Variants in TNR observed in about 807,000 individuals in gnomAD.
TNR encodes tenascin R.
Under a neutral mutation model 150.4 loss-of-function variants are expected in TNR, and 45 were observed. The ratio of observed to expected loss-of-function variants is 0.30; its 90% confidence interval spans 0.24 to 0.38. The LOEUF (loss-of-function observed/expected upper bound fraction) is 0.38. Ranked by LOEUF, TNR falls within the 10% of genes least tolerant of loss-of-function variation. The probability of loss-of-function intolerance (pLI) is 1.00; values close to 1 mark genes in which losing one functional copy is unlikely to be tolerated. For synonymous variants in TNR, 687 were observed against 678.4 expected (o/e 1.01, Z -0.20); for missense variants, 1,544 against 1,759.1 (o/e 0.88, Z 2.19).
chr1:175,329,947 C>G, intron 21 of TNR, 127 bp downstream of exon 21: 2 of 1,115,720 alleles, frequency 1.8e-6, no homozygotes, highest in Non-Finnish European at 2.4e-6. Flanking sequence ...CCCTTCTTCT[C>G]CCTGGCCAGC....
intron 12 of TNR, 99 bp downstream of exon 12, chr1:175,364,911 C>T: frequency 7.0e-7 from 1 of 1,427,962 alleles, no homozygotes; most frequent in South Asian, 1.4e-5. Context: ...GAGGAAATCC[C>T]CTACTCCTTG....
intron 1 of TNR, among the ~76,000 whole-genome samples, chr1:175,673,621 T>A (rs992982672): frequency 1.3e-5 from 2 of 152,216 alleles, no homozygotes; most frequent in East Asian, 3.9e-4. Flanking sequence ...TAGCTGAGGA[T>A]GTGCGGATGA....
chr1:175,623,989 A>G (rs762912772), intron 1 of TNR, among the ~76,000 whole-genome samples: 1 of 152,148 alleles, frequency 6.6e-6, no homozygotes, highest in African/African-American at 2.4e-5. Flanking sequence ...TTTTATTTCC[A>G]TCTATATAAA....
At chr1:175,710,452 C>A (rs1666979592) in intron 1 of TNR, among the ~76,000 whole-genome samples, 1 of 152,090 alleles carries the variant, frequency 6.6e-6, no homozygotes, top group Non-Finnish European at 1.5e-5. Flanking sequence ...AGCTCAGTGA[C>A]CTGCACTGGA....
chr1:175,571,423 A>G lies in TNR; in HGVS notation c.-164-43054T>C, dbSNP rs6658068. Among the ~76,000 whole-genome samples the G allele has an allele frequency of 2.6e-3, 395 of 152,352 alleles. 3 individuals are homozygous for G. The highest frequency in any genetic ancestry group is 8.6e-3 in the African/African-American group (357 of 41,574). On this transcript the variant is annotated intron_variant, in intron 1 of 22. Transcript: ENST00000367674. ...CTCTATAGATGTACGTGTTATTACTATCTCCATGTTACAGATGAGGAAGCC... is the reference window on the plus strand; with the variant it reads ...CTCTATAGATGTACGTGTTATTACTGTCTCCATGTTACAGATGAGGAAGCC...
chr1:175,475,988 C>A (rs1305825090), intron 2 of TNR, among the ~76,000 whole-genome samples: 4 of 152,088 alleles, frequency 2.6e-5, no homozygotes, highest in African/African-American at 9.7e-5. Flanking sequence ...ACATTAAAGC[C>A]AATGATGTGA....
chr1:175,384,675 C>A (rs1652843384), intron 8 of TNR, among the ~76,000 whole-genome samples: 1 of 152,182 alleles, frequency 6.6e-6, no homozygotes, highest in South Asian at 2.1e-4. Context: ...CTTCTGTTCC[C>A]CTCTCTCGTG....
At chr1:175,388,300 A>C (rs1653023286) in intron 7 of TNR, among the ~76,000 whole-genome samples, 1 of 152,282 alleles carries the variant, frequency 6.6e-6, no homozygotes, top group African/African-American at 2.4e-5. Flanking sequence ...AACTGACCAC[A>C]AAAAGCTTTT....
intron 2 of TNR, among the ~76,000 whole-genome samples, chr1:175,527,276 G>A (rs1659881763): frequency 1.3e-5 from 2 of 152,174 alleles, no homozygotes; most frequent in South Asian, 4.1e-4. Flanking sequence ...TTGTGAATTG[G>A]AATGTTCAAA....
chr1:175,696,661 C>T (rs750044631), intron 1 of TNR, among the ~76,000 whole-genome samples: 12 of 152,108 alleles, frequency 7.9e-5, no homozygotes, highest in Non-Finnish European at 1.5e-4. Context: ...AGGCAGATCA[C>T]CTGTGGTCGG....
intron 1 of TNR, among the ~76,000 whole-genome samples, chr1:175,600,868 T>A (rs963507209): frequency 1.3e-5 from 2 of 152,208 alleles, no homozygotes; most frequent in East Asian, 3.8e-4. Flanking sequence ...CAGATGCAGA[T>A]CCTGAATTTA....
intron 18 of TNR, among the ~76,000 whole-genome samples, chr1:175,339,396 C>A (rs562018351): frequency 6.6e-6 from 1 of 152,310 alleles, no homozygotes; most frequent in South Asian, 2.1e-4. Context: ...TTAATAGCTG[C>A]AGAAAAGCTA....
At chr1:175,331,170 C>CTTTCTTTTTCT (rs1649891648) in intron 20 of TNR, among the ~76,000 whole-genome samples, 4 of 42,164 alleles carry the variant, frequency 9.5e-5, no homozygotes, top group African/African-American at 2.3e-4. Context: ...TCTTTCCTTC[C>CTTTCTTTTTCT]TTCCTTCCTT....
At chr1:175,692,737 G>A (rs143051057) in intron 1 of TNR, among the ~76,000 whole-genome samples, 5 of 152,264 alleles carry the variant, frequency 3.3e-5, no homozygotes, top group African/African-American at 1.2e-4. Flanking sequence ...TTGGGAAGAA[G>A]AGTCATGAAC....
intron 1 of TNR, among the ~76,000 whole-genome samples, chr1:175,664,246 C>T (rs1032793848): frequency 1.6e-4 from 24 of 152,312 alleles, no homozygotes; most frequent in Non-Finnish European, 3.2e-4. Context: ...GTTGGCCATG[C>T]GGGACCTGGG....
rs530537185 is a variant in TNR at position 175,585,718 on chromosome 1, G to A, written c.-164-57349C>T. ...AAATGGTGGTTCTTGAGTATCTTCA[G>A]TTGCTGAAAATCTGTTCTCACATGG... On this transcript the variant is annotated intron_variant, in intron 1 of 22. Transcript: ENST00000367674. Among the ~76,000 whole-genome samples the A allele has an allele frequency of 8.5e-5, 13 of 152,288 alleles. No individual in the cohort carries two copies. In the Middle Eastern group the frequency reaches 0.02, roughly 239 times the overall value.
At chr1:175,377,460 T>A (rs1031014039) in intron 9 of TNR, among the ~76,000 whole-genome samples, 2 of 10,182 alleles carry the variant, frequency 2.0e-4, no homozygotes, top group African/African-American at 7.5e-4. Flanking sequence ...CATTTCAGGG[T>A]TTTTTTTTTT....
chr1:175,626,909 G>A (rs1157172127), intron 1 of TNR, among the ~76,000 whole-genome samples: 1 of 152,172 alleles, frequency 6.6e-6, no homozygotes, highest in East Asian at 1.9e-4. Flanking sequence ...CAGAGGTGAA[G>A]GCCATGACAG....
chr1:175,552,272 T>G (rs1406401863), intron 1 of TNR, among the ~76,000 whole-genome samples: 1 of 152,218 alleles, frequency 6.6e-6, no homozygotes, highest in African/African-American at 2.4e-5. Flanking sequence ...AAGCATTGTT[T>G]CTGATAACTT....
Sources: gnomAD v4.1 joint callset for allele counts (sites outside exome capture counted in the v4.1 genomes callset) on GRCh38, gnomAD v4.1.1 for gene constraint, MANE v1.5 for transcripts, NCBI Gene and HGNC (gene_info 2026-07-23, HGNC 2026-07-21) for gene names.